AKAP13: variants seen among roughly 807,000 people sequenced by gnomAD.
The protein encoded by AKAP13 is A-kinase anchoring protein 13.
A neutral mutation model predicts 264.5 loss-of-function variants in AKAP13; 80 were observed. The ratio of observed to expected loss-of-function variants is 0.30; its 90% CI spans 0.25 to 0.36. AKAP13 has a LOEUF of 0.36. Among genes scored for constraint, AKAP13 ranks in the 10% least tolerant of loss-of-function variants. The pLI, the probability that AKAP13 is intolerant of heterozygous loss-of-function variation, is 1.00. For synonymous variants in AKAP13, 1,380 were observed against 1,250.2 expected, an observed-to-expected ratio of 1.10 and a Z score of -2.19; for missense variants, 3,712 against 3,435.2, an observed-to-expected ratio of 1.08 and a Z score of -2.01.
chr15:85,390,299 AT>A (rs1365124653), intron 1 of AKAP13, among the ~76,000 whole-genome samples: 1 of 152,178 alleles, frequency 6.6e-6, no homozygotes, highest in Non-Finnish European at 1.5e-5. Flanking sequence ...ATTAGCAGAG[AT>A]TGGGGAGGTC....
chr15:85,579,071 G>A lies in AKAP13; in HGVS notation c.1003G>A (p.Glu335Lys). 2 of 1,614,196 alleles carry A rather than the reference G, an allele frequency of 1.2e-6. No homozygotes were observed. Among genetic ancestry groups the A allele is most frequent in the Non-Finnish European group, 1.7e-6 (2 of 1,180,036 alleles). Residue 335 changes from glutamate to lysine, a missense_variant, in exon 7 of 37, where the codon GAG becomes AAG. This residue lies in a region of AKAP13 where 2,759 missense variants were observed against 2,411.7 expected (regional missense o/e 1.14). Transcript: ENST00000394518. ...CCCTCAGCGACTTTCTTCTTCTGAA[G>A]AGACTGAGAGCACTCAGTGCTGCCC... is the stretch of plus-strand genomic sequence containing the variant. ...TDPQRLSSSE[E>K]TESTQCCPGS...
At chr15:85,497,133 A>G (rs1291255276) in intron 2 of AKAP13, among the ~76,000 whole-genome samples, 3 of 152,194 alleles carry the variant, frequency 2.0e-5, no homozygotes. Context: ...TCCATTTGGT[A>G]CTAGTGAAGA....
At chr15:85,479,609 C>T (rs2075288460) in intron 1 of AKAP13, among the ~76,000 whole-genome samples, 1 of 152,024 alleles carries the variant, frequency 6.6e-6, no homozygotes, top group South Asian at 2.1e-4. Context: ...TGGAAGCTTC[C>T]CTGTTGAGAG....
At chr15:85,398,261 G>C (rs923522914) in intron 1 of AKAP13, among the ~76,000 whole-genome samples, 1 of 152,060 alleles carries the variant, frequency 6.6e-6, no homozygotes, top group East Asian at 1.9e-4. Flanking sequence ...TCATCAGATC[G>C]TTTTCATGAT....
chr15:85,398,360 A>G (rs1170183519), intron 1 of AKAP13, among the ~76,000 whole-genome samples: 2 of 152,184 alleles, frequency 1.3e-5, no homozygotes, highest in East Asian at 1.9e-4. Context: ...GTCCCCCAAA[A>G]GTACACATAA....
At chr15:85,741,839 GT>G (rs1376808533) in intron 35 of AKAP13, among the ~76,000 whole-genome samples, 1 of 152,084 alleles carries the variant, frequency 6.6e-6, no homozygotes, top group East Asian at 1.9e-4. Flanking sequence ...GAGGCCAGGA[GT>G]TTGAGACCAG....
chr15:85,695,599 A>T (rs370033616), intron 17 of AKAP13, among the ~76,000 whole-genome samples: 1 of 152,180 alleles, frequency 6.6e-6, no homozygotes, highest in East Asian at 1.9e-4. Context: ...AATGATTTTT[A>T]TTGGATGTTA....
intron 1 of AKAP13, among the ~76,000 whole-genome samples, chr15:85,400,803 T>C (rs2071383219): frequency 6.6e-6 from 1 of 151,550 alleles, no homozygotes; most frequent in South Asian, 2.1e-4. Flanking sequence ...AGCCTATTTC[T>C]GGTTACAGAG....
intron 3 of AKAP13, among the ~76,000 whole-genome samples, chr15:85,528,908 G>GA (rs1489367826): frequency 3.9e-5 from 6 of 151,992 alleles, no homozygotes; most frequent in Non-Finnish European, 8.8e-5. Flanking sequence ...AAAATTTTCA[G>GA]AACTTCCCTT....
intron 1 of AKAP13, among the ~76,000 whole-genome samples, chr15:85,390,482 G>A (rs2070799945): frequency 6.6e-6 from 1 of 152,164 alleles, no homozygotes; most frequent in African/African-American, 2.4e-5. Flanking sequence ...AAGAGCGTGA[G>A]GAGATAAGGT....
At chr15:85,700,026 G>T (rs953964045) in intron 17 of AKAP13, among the ~76,000 whole-genome samples, 11 of 152,162 alleles carry the variant, frequency 7.2e-5, no homozygotes, top group Admixed American at 5.9e-4. Context: ...AGATAATTTT[G>T]CAATTTTAAG....
At chr15:85,569,516 G>A (rs185465474) in intron 5 of AKAP13, among the ~76,000 whole-genome samples, 51 of 140,856 alleles carry the variant, frequency 3.6e-4, no homozygotes, top group Admixed American at 1.2e-3. Flanking sequence ...GCAATGCATC[G>A]ATCTCGGCTC....
At chr15:85,693,209 G>A in intron 16 of AKAP13, 68 bp from the exon 17 acceptor site, 2 of 1,447,848 alleles carry the variant, frequency 1.4e-6, no homozygotes, top group Non-Finnish European at 1.8e-6. Flanking sequence ...ATGCCATCTG[G>A]GTGCCCAGGT....
intron 1 of AKAP13, among the ~76,000 whole-genome samples, chr15:85,410,336 G>A (rs966080115): frequency 2.0e-5 from 3 of 151,538 alleles, no homozygotes; most frequent in African/African-American, 7.3e-5. Context: ...TGCCCTTCTT[G>A]TCGACTTTCA....
chr15:85,586,431 T>C (rs1440464996), intron 8 of AKAP13, among the ~76,000 whole-genome samples: 1 of 152,144 alleles, frequency 6.6e-6, no homozygotes, highest in Non-Finnish European at 1.5e-5. Context: ...GTTTTCGAAC[T>C]GGCCTCAAGT....
intron 1 of AKAP13, among the ~76,000 whole-genome samples, chr15:85,388,484 A>G (rs1260849377): frequency 1.3e-5 from 2 of 152,232 alleles, no homozygotes; most frequent in Non-Finnish European, 2.9e-5. Flanking sequence ...ATATGATGGT[A>G]GCCATAGGTG....
At chr15:85,717,547 G>T (rs753775947) in intron 21 of AKAP13, 145 bp downstream of exon 21, 3 of 661,358 alleles carry the variant, frequency 4.5e-6, no homozygotes, top group Non-Finnish European at 7.8e-6. Context: ...AAAGTGTCCA[G>T]TGCTTTGTCA....
At chr15:85,535,633 G>A (rs2077365027) in intron 4 of AKAP13, 2 of 152,126 alleles carry the variant, frequency 1.3e-5, no homozygotes, top group African/African-American at 4.8e-5. Context: ...TGTCAAGATA[G>A]TACTGCATTA....
rs1337860934 is a variant in AKAP13 at position 85,741,351 on chromosome 15, G to A, written c.7914G>A (p.Glu2638=). ...QGQQDLEKER[E]ELQQKKGTYQ... ...AGCAGGACCTGGAAAAGGAGCGGGA[G>A]GAGCTCCAGCAGAAGAAGGGCACAT... The change falls in exon 35 of 37, where the codon GAG becomes GAA. Residue 2638 remains glutamate, a synonymous_variant. Coordinates refer to ENST00000394518, the MANE Select transcript of AKAP13 (RefSeq NM_007200.5). The A allele has an allele frequency of 6.2e-7, 1 of 1,613,854 alleles. No homozygotes were observed. The highest frequency in any genetic ancestry group is 1.3e-5 in the African/African-American group (1 of 74,916).
Sources: allele counts gnomAD v4.1 joint callset (sites outside exome capture counted in the v4.1 genomes callset), GRCh38; gene constraint gnomAD v4.1.1; regional missense constraint gnomAD v4.1.1; transcripts MANE v1.5; gene names NCBI Gene and HGNC (gene_info 2026-07-23, HGNC 2026-07-21).